The following RNF169 variants were observed in gnomAD, a reference collection of about 807,000 sequenced individuals.
RNF169 encodes ring finger protein 169, also known as E3 ubiquitin-protein ligase RNF169.
In RNF169, 24 loss-of-function variants were observed where a neutral mutation model predicts 53.9. The ratio of observed to expected loss-of-function variants is 0.45; its 90% confidence interval spans 0.32 to 0.63. RNF169 has a LOEUF of 0.63. RNF169 is among the 20% of genes least tolerant of loss of function. The pLI is 0.04. For synonymous variants in RNF169, 396 were observed against 363.5 expected, an observed-to-expected ratio of 1.09 and a Z score of -1.02; for missense variants, 883 against 906.2, an observed-to-expected ratio of 0.97 and a Z score of 0.33.
At position 74,749,053 on chromosome 11, in the gene RNF169, C is replaced by A. The variant is rs528924750; in HGVS notation, c.173C>A (p.Pro58Gln). The A allele has an allele frequency of 1.0e-4, 153 of 1,467,988 alleles. 1 individual carries two copies. The South Asian group carries it at 1.9e-3, about 18-fold the overall frequency. 90.9% of individuals were successfully genotyped at this position (1,467,988 alleles called of 1,614,324 possible). A position where few individuals can be genotyped will look rare whatever the true frequency, so the allele number is the denominator to read the frequency against. The change falls in exon 1 of 6, where the codon CCG becomes CAG. Residue 58 changes from proline (P) to glutamine (Q), a missense_variant. Physicochemically the swap from Pro to Gln is moderately conservative, Grantham distance 76. Transcript: ENST00000299563. ...LVLSPPLLQPPLPPRPEESGC... is the reference protein window; with the variant it reads ...LVLSPPLLQPQLPPRPEESGC... Reference sequence around the variant, plus strand: ...TTGTCGCCGCCGTTGCTGCAGCCGCCGCTGCCGCCGCGGCCGGAGGAATCG... The same window carrying A: ...TTGTCGCCGCCGTTGCTGCAGCCGCAGCTGCCGCCGCGGCCGGAGGAATCG...
At chr11:74,803,451 A>G (rs931329361) in intron 2 of RNF169, among the ~76,000 whole-genome samples, 1 of 152,214 alleles carries the variant, frequency 6.6e-6, no homozygotes, top group African/African-American at 2.4e-5. Context: ...GTTATGAAAT[A>G]TATTTTAAAA....
At chr11:74,796,099 A>G (rs1304759647) in intron 2 of RNF169, among the ~76,000 whole-genome samples, 1 of 152,184 alleles carries the variant, frequency 6.6e-6, no homozygotes, top group Non-Finnish European at 1.5e-5. Flanking sequence ...GACCATTTGT[A>G]TGTTTTCCGT....
rs777508944 is a variant in RNF169 at position 74,836,458 on chromosome 11, C to T, written c.1855C>T (p.Arg619Cys). Residue 619 changes from arginine (R) to cysteine (C), a missense_variant, in exon 6 of 6, where the codon CGT becomes TGT. This residue lies in a region of RNF169 where 351 missense variants were observed against 337.3 expected (regional missense o/e 1.04). Transcript: ENST00000299563. The stretch of plus-strand genomic sequence containing the variant: ...AAGTGAAGAGCCACTTCCTTCTTTG[C>T]GTCGAGGCCGGAAAAGACACTGCAA... The part of the protein sequence containing the change: ...SLSEEPLPSL[R>C]RGRKRHCKTK... The T allele has an allele frequency of 4.3e-6, 7 of 1,614,022 alleles. No individual in the cohort carries two copies. The highest frequency in any genetic ancestry group is 2.2e-5 in the East Asian group (1 of 44,878).
At chr11:74,760,661 C>T (rs1385916064) in intron 1 of RNF169, among the ~76,000 whole-genome samples, 3 of 150,450 alleles carry the variant, frequency 2.0e-5, no homozygotes, top group Non-Finnish European at 4.5e-5. Flanking sequence ...TTTGATTGCA[C>T]TGTGGTCTGA....
At chr11:74,769,657 G>T (rs182825750) in intron 1 of RNF169, among the ~76,000 whole-genome samples, 67 of 152,202 alleles carry the variant, frequency 4.4e-4, no homozygotes, top group African/African-American at 1.6e-3. Context: ...GGATAAATCT[G>T]GAAAAAATAC....
chr11:74,795,179 T>TG lies in RNF169; in HGVS notation c.576+5483dup, dbSNP rs557914824. ...TTTTCCACTGAACAGCATATTTTTT[T>TG]GGGTGGGGGGGTGGTGTGTATGTTT... On this transcript the variant is annotated intron_variant, in intron 2 of 5. Coordinates refer to ENST00000299563, the MANE Select transcript of RNF169 (RefSeq NM_001098638.2). Among the ~76,000 whole-genome samples, 353 of 150,658 alleles carry TG rather than the reference T, an allele frequency of 2.3e-3. No individual in the cohort carries two copies. In the Middle Eastern group the frequency reaches 0.024, roughly 10 times the overall value.
intron 1 of RNF169, among the ~76,000 whole-genome samples, chr11:74,767,210 A>G (rs1437115463): frequency 3.3e-5 from 5 of 152,140 alleles, no homozygotes; most frequent in Admixed American, 2.0e-4. Flanking sequence ...AAAAATCACA[A>G]CCAAGTAGCA....
Position 74,835,704 on chromosome 11 carries a change from C to T in RNF169, c.1101C>T (p.Val367=), listed in dbSNP as rs1341995676. The change falls in exon 6 of 6, where the codon GTC becomes GTT. Residue 367 remains valine (V), a synonymous_variant. Transcript: ENST00000299563. The stretch of plus-strand genomic sequence containing the variant: ...CCCTGCATAAGCCAGAGCGTTCTGT[C>T]AGCCCTGAGAGCAATGACAGCATCT... ...LASLHKPERS[V]SPESNDSISE... is the part of the protein sequence containing the mutation. 2.5e-6 allele frequency: 4 copies of T among 1,614,164 alleles called. No homozygotes were observed. Among genetic ancestry groups the T allele is most frequent in the Non-Finnish European group, 3.4e-6 (4 of 1,180,020 alleles).
rs79250122 is a variant in RNF169, at chr11:74,841,169, T to C, written c.*4439T>C. The C allele has an allele frequency of 1.1e-4, 16 of 152,296 alleles. No homozygotes were observed. In the East Asian group the frequency reaches 3.1e-3, roughly 29 times the overall value. The allele number at this position is 152,296 out of a possible 1,614,324, so 9.4% of individuals were successfully genotyped here. A position where few individuals can be genotyped will look rare whatever the true frequency, so the allele number is the denominator to read the frequency against. ...CAGCTAGCCAAATTTTCTTTAAAAA[T>C]TGGAAACTCATTATGGTCTTAAATT... On this transcript the variant is annotated 3_prime_UTR_variant, in exon 6 of 6. Coordinates refer to ENST00000299563, the MANE Select transcript of RNF169 (RefSeq NM_001098638.2).
chr11:74,779,398 C>T (rs1012106990), intron 1 of RNF169, among the ~76,000 whole-genome samples: 3 of 152,142 alleles, frequency 2.0e-5, no homozygotes, highest in African/African-American at 7.2e-5. Context: ...TTTATTAGCT[C>T]AGTTCAACTT....
In RNF169 at chr11:74,842,114, T is replaced by C. The variant is rs2036648412; in HGVS notation, c.*5384T>C. 1 of 152,164 alleles carries C rather than the reference T, an allele frequency of 6.6e-6. No individual in the cohort carries two copies. The highest frequency in any genetic ancestry group is 6.5e-5 in the Admixed American group (1 of 15,280). The allele number at this position is 152,164 out of a possible 1,614,324, so 9.4% of individuals were successfully genotyped here. ...TCCTGCCTAGAAAATAGGTTGTGTA[T>C]TGGTTTTATTCAACCTGCTGTCTGC... On this transcript the variant is annotated 3_prime_UTR_variant, in exon 6 of 6. Transcript: ENST00000299563.
intron 1 of RNF169, among the ~76,000 whole-genome samples, chr11:74,763,490 TA>T (rs1295610204): frequency 6.6e-6 from 1 of 152,010 alleles, no homozygotes; most frequent in African/African-American, 2.4e-5. Context: ...AAGAAATGAA[TA>T]AAGCATTATG....
At chr11:74,803,093 T>C (rs1310246049) in intron 2 of RNF169, among the ~76,000 whole-genome samples, 1 of 138,112 alleles carries the variant, frequency 7.2e-6, no homozygotes, top group East Asian at 2.0e-4. Context: ...GCTAATTTTC[T>C]TTTTTTTTTT....
At chr11:74,762,287 G>T (rs2035097362) in intron 1 of RNF169, among the ~76,000 whole-genome samples, 2 of 151,290 alleles carry the variant, frequency 1.3e-5, no homozygotes, top group South Asian at 4.2e-4. Flanking sequence ...ATCGTCTGAA[G>T]CCTTCTTCTC....
chr11:74,815,724 G>A (rs2035934382), intron 3 of RNF169, among the ~76,000 whole-genome samples: 1 of 152,156 alleles, frequency 6.6e-6, no homozygotes, highest in African/African-American at 2.4e-5. Context: ...ATATAGTAGA[G>A]TAGTCTTTAT....
At chr11:74,819,046 A>C (rs1257586555) in intron 4 of RNF169, among the ~76,000 whole-genome samples, 1 of 151,992 alleles carries the variant, frequency 6.6e-6, no homozygotes, top group Non-Finnish European at 1.5e-5. Context: ...AAAGAAACAT[A>C]ATCAAACCAG....
intron 1 of RNF169, among the ~76,000 whole-genome samples, chr11:74,768,290 GATC>G (rs748786326): frequency 1.5e-4 from 23 of 152,180 alleles, no homozygotes; most frequent in Non-Finnish European, 2.5e-4. Flanking sequence ...GAAAAAAATA[GATC>G]TTTAGCACCA....
chr11:74,751,472 C>T (rs2034894553), intron 1 of RNF169, among the ~76,000 whole-genome samples: 1 of 152,170 alleles, frequency 6.6e-6, no homozygotes, highest in Non-Finnish European at 1.5e-5. Context: ...TAGAAATTTT[C>T]ATTTTGATTT....
At position 74,785,186 on chromosome 11, in the gene RNF169, GATAT is replaced by G. The variant is rs1475323364; in HGVS notation, c.503-4433_503-4430del. The stretch of plus-strand genomic sequence containing the variant: ...ATATATATATATGATATATATATAT[GATAT>G]ATATATGATATATATATATGATATA... On this transcript the variant is annotated intron_variant, in intron 1 of 5. Transcript: ENST00000299563. Among the ~76,000 whole-genome samples the G allele has an allele frequency of 7.5e-3, 476 of 63,686 alleles. 5 individuals carry two copies. The highest frequency in any genetic ancestry group is 0.063 in the African/African-American group (455 of 7,240). 41.8% of individuals were successfully genotyped at this position (63,686 alleles called of 152,430 possible). A position where few individuals can be genotyped will look rare whatever the true frequency, so the allele number is the denominator to read the frequency against.
Sources: gnomAD v4.1 joint callset for allele counts (sites outside exome capture counted in the v4.1 genomes callset) on GRCh38, gnomAD v4.1.1 for gene constraint, gnomAD v4.1.1 regional missense constraint, MANE v1.5 for transcripts, NCBI Gene and HGNC (gene_info 2026-07-23, HGNC 2026-07-21) for gene names.